Variants in ZNF423 observed in about 807,000 individuals in gnomAD.
ZNF423 encodes the protein Ebf-associated zinc finger protein.
In ZNF423, 12 loss-of-function variants were observed where a neutral mutation model predicts 95.8. The ratio of observed to expected loss-of-function variants is 0.13; its 90% CI spans 0.08 to 0.20. The LOEUF is 0.20. ZNF423 is among the 10% of genes least tolerant of loss of function. The pLI is 1.00. For missense variants in ZNF423, 1,316 were observed against 1,737.1 expected, an observed-to-expected ratio of 0.76 and a Z score of 4.31; for synonymous variants, 749 against 711.9, an observed-to-expected ratio of 1.05 and a Z score of -0.83.
At chr16:49,514,002 T>G (rs8051105) in intron 7 of ZNF423, among the ~76,000 whole-genome samples, 8,130 of 151,962 alleles carry the variant, frequency 0.054, 325 homozygotes, top group African/African-American at 0.11. Flanking sequence ...AGTGGCCGTC[T>G]GTCCTGCTTG....
chr16:49,599,814 A>T (rs1331947525), intron 5 of ZNF423, among the ~76,000 whole-genome samples: 1 of 152,202 alleles, frequency 6.6e-6, no homozygotes, highest in Non-Finnish European at 1.5e-5. Context: ...GGCAAAACTC[A>T]TCCACCGTGG....
intron 7 of ZNF423, among the ~76,000 whole-genome samples, chr16:49,504,802 GCCATC>G (rs1335732334): frequency 6.6e-6 from 1 of 152,180 alleles, no homozygotes; most frequent in Non-Finnish European, 1.5e-5. Context: ...CTGGGGCTGA[GCCATC>G]CACTGTTGTC....
chr16:49,578,477 T>C (rs908814666), intron 5 of ZNF423, among the ~76,000 whole-genome samples: 6 of 152,234 alleles, frequency 3.9e-5, no homozygotes, highest in African/African-American at 1.4e-4. Context: ...CTGTCTGAAA[T>C]TGCTTCACTC....
intron 5 of ZNF423, among the ~76,000 whole-genome samples, chr16:49,528,581 G>A (rs1044911288): frequency 3.3e-5 from 5 of 152,172 alleles, no homozygotes; most frequent in African/African-American, 1.2e-4. Flanking sequence ...AAAGTGAAGG[G>A]AGGGGATGGA....
At position 49,770,905 on chromosome 16, in the gene ZNF423, C is replaced by T. The variant is rs535731873; in HGVS notation, c.100+18582G>A. Among the ~76,000 whole-genome samples, 73 of 152,292 alleles carry T rather than the reference C, an allele frequency of 4.8e-4. No homozygotes were observed. In the South Asian group the frequency reaches 0.013, roughly 27 times the overall value. On this transcript the variant is annotated intron_variant, in intron 2 of 7. Transcript: ENST00000563137. ...CAGCCACCCCACAGGAGCCTCCCCA[C>T]GGCAGCAGGAGGCCATGGCTTCCAG...
chr16:49,738,320 A>G (rs1406091055), intron 2 of ZNF423, among the ~76,000 whole-genome samples: 2 of 152,100 alleles, frequency 1.3e-5, no homozygotes, highest in African/African-American at 2.4e-5. Context: ...GGATACGCTA[A>G]GTAGTAAGGG....
intron 3 of ZNF423, among the ~76,000 whole-genome samples, chr16:49,671,722 C>T (rs1016391517): frequency 1.3e-5 from 2 of 152,088 alleles, no homozygotes; most frequent in Non-Finnish European, 2.9e-5. Flanking sequence ...CTCACTCTGT[C>T]GCCCAGGCTG....
chr16:49,783,228 G>T (rs894742795), intron 2 of ZNF423, among the ~76,000 whole-genome samples: 3 of 151,542 alleles, frequency 2.0e-5, no homozygotes, highest in Non-Finnish European at 2.9e-5. Context: ...TAGGGGTAGG[G>T]TTAGGGTTAG....
intron 3 of ZNF423, among the ~76,000 whole-genome samples, chr16:49,725,671 C>T (rs546539838): frequency 6.6e-6 from 1 of 152,186 alleles, no homozygotes; most frequent in Non-Finnish European, 1.5e-5. Context: ...GCAGGGAGGG[C>T]TGCAGGGCGT....
intron 5 of ZNF423, among the ~76,000 whole-genome samples, chr16:49,616,209 T>C (rs1025760508): frequency 1.3e-5 from 2 of 152,174 alleles, no homozygotes; most frequent in Non-Finnish European, 2.9e-5. Context: ...TTAAGTGGAA[T>C]AAGTCAGGCA....
At chr16:49,573,040 C>T (rs1046451378) in intron 5 of ZNF423, among the ~76,000 whole-genome samples, 13 of 151,960 alleles carry the variant, frequency 8.6e-5, no homozygotes, top group South Asian at 6.2e-4. Context: ...TGAATGGGTG[C>T]GGAGTGAATA....
intron 5 of ZNF423, among the ~76,000 whole-genome samples, chr16:49,594,209 T>C (rs1971111040): frequency 6.6e-6 from 1 of 152,094 alleles, no homozygotes; most frequent in African/African-American, 2.4e-5. Context: ...CCTGGTTCAG[T>C]TGTCTCTCTC....
intron 3 of ZNF423, among the ~76,000 whole-genome samples, chr16:49,726,897 G>GT (rs550788301): frequency 2.4e-3 from 343 of 144,746 alleles, no homozygotes; most frequent in Non-Finnish European, 2.5e-3. Context: ...CGAAGACCAG[G>GT]TAACCACATG....
At chr16:49,631,207 T>A (rs926037751) in intron 4 of ZNF423, among the ~76,000 whole-genome samples, 11 of 152,040 alleles carry the variant, frequency 7.2e-5, no homozygotes, top group Non-Finnish European at 1.2e-4. Flanking sequence ...CCCACAGACA[T>A]GCATGCAGCT....
At chr16:49,652,713 T>C (rs1212975251) in intron 3 of ZNF423, among the ~76,000 whole-genome samples, 1 of 152,216 alleles carries the variant, frequency 6.6e-6, no homozygotes, top group East Asian at 1.9e-4. Flanking sequence ...ACTGTTTTTC[T>C]TGACTCCCTT....
intron 3 of ZNF423, among the ~76,000 whole-genome samples, chr16:49,642,215 A>C (rs1451117677): frequency 1.3e-5 from 2 of 152,090 alleles, no homozygotes; most frequent in African/African-American, 4.8e-5. Context: ...TAACATTCCC[A>C]TTTCTGAGAT....
intron 5 of ZNF423, among the ~76,000 whole-genome samples, chr16:49,533,205 C>T (rs79217450): frequency 3.9e-5 from 6 of 152,196 alleles, no homozygotes; most frequent in Non-Finnish European, 8.8e-5. Flanking sequence ...TGACAAGTCT[C>T]CCCTCTGCCA....
chr16:49,777,261 GTGTGTGTTTACA>G (rs1348166078), intron 2 of ZNF423, among the ~76,000 whole-genome samples: 1 of 152,238 alleles, frequency 6.6e-6, no homozygotes, highest in Non-Finnish European at 1.5e-5. Flanking sequence ...GTGCACATAC[GTGTGTGTTTACA>G]TGTGCATGGG....
At chr16:49,548,663 GAGA>G (rs1351282610) in intron 5 of ZNF423, among the ~76,000 whole-genome samples, 4 of 152,216 alleles carry the variant, frequency 2.6e-5, no homozygotes, top group Non-Finnish European at 5.9e-5. Context: ...AGAGAAGGGA[GAGA>G]AGGAGACAGC....
Sources: allele counts gnomAD v4.1 joint callset (sites outside exome capture counted in the v4.1 genomes callset), GRCh38; gene constraint gnomAD v4.1.1; transcripts MANE v1.5; gene names NCBI Gene and HGNC (gene_info 2026-07-23, HGNC 2026-07-21).